Variants in FGF13 observed in about 807,000 individuals in gnomAD.
The protein encoded by FGF13 is fibroblast growth factor homologous factor 2.
In FGF13, 2 loss-of-function variants were observed where a neutral mutation model predicts 19.5. The ratio of observed to expected loss-of-function variants is 0.10; its 90% CI spans 0.04 to 0.32. The LOEUF is 0.32. FGF13 is among the 10% of genes least tolerant of loss of function. The pLI is 1.00. For missense variants in FGF13, 113 were observed against 192.7 expected, an observed-to-expected ratio of 0.59 and a Z score of 2.45; for synonymous variants, 72 against 76.9, an observed-to-expected ratio of 0.94 and a Z score of 0.33.
chrX:138,898,979 T>C (rs1299724700), intron 1 of FGF13, among the ~76,000 whole-genome samples: 2 of 111,860 alleles, frequency 1.8e-5, no homozygotes, highest in African/African-American at 3.3e-5. Flanking sequence ...AAAATCTTTC[T>C]GGTGTTTACT....
intron 1 of FGF13, among the ~76,000 whole-genome samples, chrX:138,960,827 A>G (rs1363793621): frequency 1.8e-5 from 2 of 111,710 alleles, no homozygotes; most frequent in African/African-American, 6.5e-5. Flanking sequence ...GCATGCATCA[A>G]ATAGTTCTCG....
intron 1 of FGF13, among the ~76,000 whole-genome samples, chrX:138,919,418 G>C (rs1487275939): frequency 8.9e-6 from 1 of 111,812 alleles, no homozygotes; most frequent in African/African-American, 3.2e-5. Context: ...TAGTTTGGCA[G>C]TGCCTTTCAA....
At chrX:138,810,257 T>A (rs1043503283) in intron 3 of FGF13, among the ~76,000 whole-genome samples, 5 of 111,208 alleles carry the variant, frequency 4.5e-5, no homozygotes, top group African/African-American at 1.6e-4. Flanking sequence ...TATAGACCAA[T>A]GGAACAAAAC....
chrX:138,869,475 G>C (rs2091346420), intron 1 of FGF13, among the ~76,000 whole-genome samples: 1 of 112,166 alleles, frequency 8.9e-6, no homozygotes, highest in Non-Finnish European at 1.9e-5. Context: ...TGAGTCCTTG[G>C]ATCCTCTTGT....
intron 1 of FGF13, among the ~76,000 whole-genome samples, chrX:139,035,072 T>C (rs2124398017): frequency 8.9e-6 from 1 of 111,883 alleles, no homozygotes; most frequent in South Asian, 3.7e-4. Context: ...TCTCTCCATC[T>C]ACCAATCTAT....
intron 1 of FGF13, among the ~76,000 whole-genome samples, chrX:139,069,901 A>G (rs1250839726): frequency 8.9e-6 from 1 of 112,547 alleles, no homozygotes; most frequent in Non-Finnish European, 1.9e-5. Flanking sequence ...TATTTAATAA[A>G]TGGCATTAGG....
intron 1 of FGF13, among the ~76,000 whole-genome samples, chrX:139,004,471 C>T (rs1046040696): frequency 2.7e-5 from 3 of 112,362 alleles, no homozygotes; most frequent in Non-Finnish European, 5.6e-5. Flanking sequence ...GAAAGCGGCT[C>T]CCACAGTGCA....
intron 1 of FGF13, among the ~76,000 whole-genome samples, chrX:138,899,284 T>A (rs1050530255): frequency 9.0e-6 from 1 of 111,050 alleles, no homozygotes; most frequent in African/African-American, 3.3e-5. Flanking sequence ...AGGAGAAACA[T>A]GGGGAAATGG....
chrX:138,743,243 A>G (rs192218812), upstream of FGF13, among the ~76,000 whole-genome samples: 398 of 111,715 alleles, frequency 3.6e-3, 1 homozygote, highest in African/African-American at 0.012. Flanking sequence ...ATGAAAATAC[A>G]TAGAACTTTA....
intron 1 of FGF13, among the ~76,000 whole-genome samples, chrX:139,158,372 T>A (rs2082277885): frequency 9.0e-6 from 1 of 111,006 alleles, no homozygotes; most frequent in African/African-American, 3.3e-5. Context: ...TTGAAATTCT[T>A]GCTGCCAGGA....
At chrX:138,736,296 T>C (rs985462230) in intron 1 of FGF13, among the ~76,000 whole-genome samples, 1 of 112,357 alleles carries the variant, frequency 8.9e-6, no homozygotes, top group Non-Finnish European at 1.9e-5. Context: ...AAGACAAATA[T>C]AGACTACCGC....
Position 138,628,643 on chromosome X carries a change from C to G in FGF13, c.*4207G>C, listed in dbSNP as rs977375459. 8.9e-6 allele frequency: 1 copy of G among 112,409 alleles called. No homozygotes were observed. Among genetic ancestry groups the G allele is most frequent in the Admixed American group, 9.4e-5 (1 of 10,632 alleles). 9.3% of individuals were successfully genotyped at this position (112,409 alleles called of 1,213,427 possible). A position where few individuals can be genotyped will look rare whatever the true frequency, so the allele number is the denominator to read the frequency against. On this transcript the variant is annotated 3_prime_UTR_variant, in exon 5 of 5. Coordinates refer to ENST00000315930, the MANE Select transcript of FGF13 (RefSeq NM_004114.5). ...TGATCCCACCACCCCTTATCCACAG[C>G]ATAGTTATGGTCAGCTGATGTAGAT... is the stretch of plus-strand genomic sequence containing the variant.
chrX:138,713,100 T>C (rs1352294513), upstream of FGF13, among the ~76,000 whole-genome samples: 1 of 112,532 alleles, frequency 8.9e-6, no homozygotes, highest in East Asian at 2.8e-4. Flanking sequence ...GGGTTGAGAC[T>C]GATAGTTACA....
chrX:139,049,250 T>G (rs2124411233), intron 1 of FGF13, among the ~76,000 whole-genome samples: 1 of 110,305 alleles, frequency 9.1e-6, no homozygotes, highest in East Asian at 2.9e-4. Flanking sequence ...CAGGGAATGG[T>G]TAATGGGTAC....
intron 1 of FGF13, among the ~76,000 whole-genome samples, chrX:139,048,256 T>C (rs12560172): frequency 0.13 from 14,873 of 111,151 alleles, 818 homozygotes; most frequent in South Asian, 0.2. Context: ...ATTTCAATAA[T>C]ACTTTTATCA....
intron 1 of FGF13, among the ~76,000 whole-genome samples, chrX:138,881,970 T>C (rs1318011696): frequency 7.2e-5 from 8 of 110,549 alleles, no homozygotes; most frequent in African/African-American, 2.3e-4. Context: ...CTTCTTTCTA[T>C]AGTTTCTCAA....
At chrX:138,885,133 G>T (rs1296910748) in intron 1 of FGF13, among the ~76,000 whole-genome samples, 1 of 111,791 alleles carries the variant, frequency 8.9e-6, no homozygotes, top group African/African-American at 3.3e-5. Context: ...AGGTTCCTTA[G>T]GTAGAAGCAG....
At chrX:138,797,188 C>T (rs1277414264) in intron 3 of FGF13, among the ~76,000 whole-genome samples, 1 of 111,193 alleles carries the variant, frequency 9.0e-6, no homozygotes, top group African/African-American at 3.3e-5. Context: ...TATGGTATTA[C>T]GTTTTATGTT....
chrX:138,997,241 G>A (rs770656230), intron 1 of FGF13, among the ~76,000 whole-genome samples: 4 of 112,225 alleles, frequency 3.6e-5, no homozygotes, highest in African/African-American at 9.7e-5. Context: ...AGCGCAGAAA[G>A]GCTGAAAATT....
Sources: gnomAD v4.1 joint callset for allele counts (sites outside exome capture counted in the v4.1 genomes callset) on GRCh38, gnomAD v4.1.1 for gene constraint, MANE v1.5 for transcripts, NCBI Gene and HGNC (gene_info 2026-07-23, HGNC 2026-07-21) for gene names.